UNC13B: variants seen among roughly 807,000 people sequenced by gnomAD.
UNC13B encodes the protein unc-13 homolog B.
A neutral mutation model predicts 211.0 loss-of-function variants in UNC13B; 144 were observed. That is an observed-to-expected ratio of 0.68 (90% CI 0.60 to 0.78). The LOEUF (loss-of-function observed/expected upper bound fraction) is 0.78. Among genes scored for constraint, UNC13B ranks in the 30% least tolerant of loss-of-function variants. The pLI, the probability that UNC13B is intolerant of heterozygous loss-of-function variation, is 0.00. For synonymous variants in UNC13B, 709 were observed against 725.8 expected (o/e 0.98, Z 0.37); for missense variants, 1,777 against 2,002.0 (o/e 0.89, Z 2.14).
chr9:35,354,793 G>A (rs974646721), intron 11 of UNC13B, among the ~76,000 whole-genome samples: 6 of 152,096 alleles, frequency 3.9e-5, no homozygotes, highest in Non-Finnish European at 8.8e-5. Context: ...GTTGCTGGTG[G>A]GATGGGAGTA....
rs1272639342 is a variant in UNC13B, at chr9:35,392,049, T to C, written c.11308+1335T>C. Among the ~76,000 whole-genome samples, 5 of 152,230 alleles carry C rather than the reference T, an allele frequency of 3.3e-5. No individual in the cohort carries two copies. The East Asian group carries it at 9.6e-4, about 29-fold the overall frequency. On this transcript the variant is annotated intron_variant, in intron 26 of 39. Coordinates refer to ENST00000635942, the MANE Select transcript of UNC13B (RefSeq NM_001371189.2). Reference sequence around the variant, plus strand: ...TTTCATACCTCAATTTCACCGCCTATGTAGCACTGTGAATTTGGTCCAAAC... The same window carrying C: ...TTTCATACCTCAATTTCACCGCCTACGTAGCACTGTGAATTTGGTCCAAAC...
At chr9:35,253,938 T>A (rs1463077099) in intron 6 of UNC13B, among the ~76,000 whole-genome samples, 1 of 152,242 alleles carries the variant, frequency 6.6e-6, no homozygotes, top group Non-Finnish European at 1.5e-5. Flanking sequence ...TTTCACTGTT[T>A]CCTTACTGAT....
At position 35,399,741 on chromosome 9, in the gene UNC13B, C is replaced by T; in HGVS notation, c.12336+12C>T. ...TGGACACCATCAAGGTGGAGGCCCC[C>T]CCTTTTTCAGACAGTCTTAACCACC... On this transcript the variant is annotated intron_variant, in intron 36 of 39. Transcript: ENST00000635942. 2 of 1,613,882 alleles carry T rather than the reference C, an allele frequency of 1.2e-6. No individual in the cohort carries two copies. Among genetic ancestry groups the T allele is most frequent in the Non-Finnish European group, 1.7e-6 (2 of 1,179,854 alleles).
intron 17 of UNC13B, 98 bp from the exon 18 acceptor site, chr9:35,380,372 C>G: frequency 7.5e-7 from 1 of 1,335,160 alleles, no homozygotes; most frequent in East Asian, 2.4e-5. Context: ...TTCAGGGCCT[C>G]AAGTGCAGCT....
chr9:35,399,151 G>A lies in UNC13B; in HGVS notation c.12075-10G>A. The A allele has an allele frequency of 6.2e-7, 1 of 1,614,180 alleles. No homozygotes were observed. The highest frequency in any genetic ancestry group is 8.5e-7 in the Non-Finnish European group (1 of 1,180,024). On this transcript the variant is annotated splice_polypyrimidine_tract_variant and intron_variant, in intron 33 of 39. Transcript: ENST00000635942. ...CTCACCCTGGTCTCACCTGTTGCCT[G>A]GACTTGCAGCCTCACCCTCTTTGCC...
intron 12 of UNC13B, among the ~76,000 whole-genome samples, chr9:35,369,680 TTTG>T (rs1463357619): frequency 6.6e-6 from 1 of 152,198 alleles, no homozygotes; most frequent in Non-Finnish European, 1.5e-5. Flanking sequence ...GGTGTTTTGT[TTTG>T]TTTTTTCTTC....
Position 35,306,039 on chromosome 9 carries a change from CT to C in UNC13B, c.6636del (p.Thr2213LeufsTer29), listed in dbSNP as rs1829906008. ...AAGAAGGATGCCTCTCATAGTAGTT[CT>C]ACTTTTAGTTTCTTCAGCTTGTCCT... ...SIKKDASHSS[S>X]TFSFFSLSFL... On this transcript the variant is annotated frameshift_variant, in exon 9 of 40. Coordinates refer to ENST00000635942, the MANE Select transcript of UNC13B (RefSeq NM_001371189.2). LOFTEE classifies it high-confidence loss of function. 1 of 398,844 alleles carries C rather than the reference CT, an allele frequency of 2.5e-6. No individual in the cohort carries two copies. Among genetic ancestry groups the C allele is most frequent in the South Asian group, 1.3e-4 (1 of 7,856 alleles). 24.7% of individuals were successfully genotyped at this position (398,844 alleles called of 1,614,324 possible).
At chr9:35,352,668 A>G (rs1189477964) in intron 11 of UNC13B, 7 of 1,232,092 alleles carry the variant, frequency 5.7e-6, no homozygotes, top group Middle Eastern at 3.1e-4. Context: ...CTCAAGAACA[A>G]TTTATCAAAG....
At chr9:35,342,894 T>TGA (rs961222946) in intron 11 of UNC13B, among the ~76,000 whole-genome samples, 3 of 152,016 alleles carry the variant, frequency 2.0e-5, no homozygotes, top group African/African-American at 7.2e-5. Context: ...TGTGTATATG[T>TGA]GAGAGAGAGA....
At chr9:35,381,245 A>T (rs1184237452) in intron 19 of UNC13B, 30 bp downstream of exon 19, 1 of 1,589,528 alleles carries the variant, frequency 6.3e-7, no homozygotes, top group Admixed American at 1.7e-5. Context: ...GTGGGGGATC[A>T]GAAAGCAGTG....
chr9:35,378,575 C>T, intron 17 of UNC13B, 139 bp downstream of exon 17: 1 of 1,133,664 alleles, frequency 8.8e-7, no homozygotes. Context: ...TTCGTTCAGA[C>T]ATCAGCCATT....
intron 11 of UNC13B, among the ~76,000 whole-genome samples, chr9:35,349,988 T>C (rs1832611878): frequency 6.6e-6 from 1 of 152,116 alleles, no homozygotes; most frequent in African/African-American, 2.4e-5. Context: ...CTCCATCAAA[T>C]CTAGAAAATG....
At chr9:35,198,079 T>C (rs1823044731) in intron 1 of UNC13B, among the ~76,000 whole-genome samples, 1 of 152,230 alleles carries the variant, frequency 6.6e-6, no homozygotes, top group Non-Finnish European at 1.5e-5. Flanking sequence ...TGTATATCTT[T>C]CCATACTTAT....
intron 11 of UNC13B, chr9:35,342,412 G>A: frequency 1.0e-6 from 1 of 954,314 alleles, no homozygotes; most frequent in South Asian, 4.9e-5. Context: ...ATTTGTGGGT[G>A]GAATATGGAG....
chr9:35,267,781 G>C (rs1398279410), intron 7 of UNC13B, among the ~76,000 whole-genome samples: 1 of 152,082 alleles, frequency 6.6e-6, no homozygotes, highest in Non-Finnish European at 1.5e-5. Flanking sequence ...GTGAGTGATT[G>C]CTCTGGTTCA....
At chr9:35,350,408 T>C (rs2132060619) in intron 11 of UNC13B, among the ~76,000 whole-genome samples, 1 of 152,346 alleles carries the variant, frequency 6.6e-6, no homozygotes, top group Non-Finnish European at 1.5e-5. Flanking sequence ...TTGTTATTAA[T>C]ACTTGAGCAG....
At chr9:35,228,746 G>GTGTA in intron 2 of UNC13B, among the ~76,000 whole-genome samples, 1 of 134,672 alleles carries the variant, frequency 7.4e-6, no homozygotes, top group African/African-American at 2.9e-5. Context: ...GTGTGTGTGT[G>GTGTA]TGTATGTGTG....
chr9:35,174,347 G>A (rs1324027130), intron 1 of UNC13B, among the ~76,000 whole-genome samples: 1 of 151,206 alleles, frequency 6.6e-6, no homozygotes, highest in Non-Finnish European at 1.5e-5. Flanking sequence ...TTGTCGGGGG[G>A]CAGGGTCTCC....
intron 7 of UNC13B, among the ~76,000 whole-genome samples, chr9:35,266,317 A>G (rs77715672): frequency 0.017 from 2,587 of 152,262 alleles, 58 homozygotes; most frequent in African/African-American, 0.06. Context: ...GTGTGTTAGG[A>G]TCAATCCTCT....
Sources: allele counts gnomAD v4.1 joint callset (sites outside exome capture counted in the v4.1 genomes callset), GRCh38; gene constraint gnomAD v4.1.1; transcripts MANE v1.5; gene names NCBI Gene and HGNC (gene_info 2026-07-23, HGNC 2026-07-21).